RAB1A: variants seen among roughly 807,000 people sequenced by gnomAD.
RAB1A encodes RAB1A, member RAS oncogene family, also known as ras-related protein Rab-1A.
A neutral mutation model predicts 26.0 loss-of-function variants in RAB1A; 2 were observed. That is an observed-to-expected ratio of 0.08 (90% CI 0.03 to 0.24). The LOEUF is 0.24. Ranked by LOEUF, RAB1A falls within the 10% of genes least tolerant of loss-of-function variation. The probability of loss-of-function intolerance (pLI) is 1.00; values close to 1 mark genes in which losing one functional copy is unlikely to be tolerated. For synonymous variants in RAB1A, 84 were observed against 84.9 expected, an observed-to-expected ratio of 0.99 and a Z score of 0.06; for missense variants, 100 against 247.0, an observed-to-expected ratio of 0.40 and a Z score of 3.99.
In RAB1A at chr2:65,091,440, A is replaced by C. The variant is rs186734423; in HGVS notation, c.193-362T>G. On this transcript the variant is annotated intron_variant, in intron 3 of 5. Coordinates refer to ENST00000409784, the MANE Select transcript of RAB1A (RefSeq NM_004161.5). ...TCCATGTAAGACAAACTCACTTGCTAGCACATTCTACCATGATTAAAAGCA... is the reference window on the plus strand; with the variant it reads ...TCCATGTAAGACAAACTCACTTGCTCGCACATTCTACCATGATTAAAAGCA... Among the ~76,000 whole-genome samples the C allele has an allele frequency of 3.2e-4, 48 of 152,328 alleles. No homozygotes were observed. The East Asian group carries it at 8.9e-3, about 28-fold the overall frequency.
chr2:65,125,635 TG>T (rs1271905911), intron 1 of RAB1A, among the ~76,000 whole-genome samples: 1 of 151,718 alleles, frequency 6.6e-6, no homozygotes, highest in African/African-American at 2.4e-5. Context: ...TTGGCCAGGC[TG>T]GTCATGACCT....
chr2:65,100,400 CAAAAA>C (rs34166798), intron 2 of RAB1A, among the ~76,000 whole-genome samples: 2 of 57,976 alleles, frequency 3.4e-5, no homozygotes, highest in African/African-American at 1.4e-4. Context: ...GTCTCTGTCT[CAAAAA>C]AAAAAAAAAA....
chr2:65,105,231 G>A (rs973189228), intron 1 of RAB1A, among the ~76,000 whole-genome samples: 5 of 152,070 alleles, frequency 3.3e-5, no homozygotes, highest in South Asian at 2.1e-4. Context: ...CAGGCCAGGC[G>A]CAGTGGCTCA....
chr2:65,098,967 G>A (rs2103837043), intron 2 of RAB1A, among the ~76,000 whole-genome samples: 1 of 149,946 alleles, frequency 6.7e-6, no homozygotes, highest in South Asian at 2.1e-4. Context: ...CACCTGAGTA[G>A]TAGGGACTAC....
At chr2:65,098,793 A>G (rs927990032) in intron 2 of RAB1A, among the ~76,000 whole-genome samples, 12 of 148,550 alleles carry the variant, frequency 8.1e-5, no homozygotes, top group Admixed American at 1.3e-4. Flanking sequence ...ATTTAGCAGA[A>G]TGTTTTCAAG....
intron 2 of RAB1A, among the ~76,000 whole-genome samples, chr2:65,103,238 T>C (rs1005624931): frequency 1.5e-5 from 2 of 135,814 alleles, no homozygotes; most frequent in African/African-American, 5.5e-5. Context: ...GGAGAACAGC[T>C]TGAGCCTGGG....
intron 1 of RAB1A, among the ~76,000 whole-genome samples, chr2:65,111,747 G>T (rs1366255471): frequency 2.6e-5 from 4 of 152,138 alleles, no homozygotes; most frequent in Non-Finnish European, 5.9e-5. Context: ...TCTAAATTTA[G>T]TTCAAAATAA....
intron 1 of RAB1A, among the ~76,000 whole-genome samples, chr2:65,124,917 T>C (rs772888082): frequency 6.6e-6 from 1 of 152,168 alleles, no homozygotes; most frequent in East Asian, 1.9e-4. Flanking sequence ...TTCTGGACAA[T>C]GAGAATACTA....
intron 1 of RAB1A, chr2:65,114,206 C>T (rs1208188947): frequency 1.2e-5 from 5 of 416,864 alleles, no homozygotes; most frequent in Middle Eastern, 3.7e-4. Context: ...ACAAGGTTCA[C>T]ATGTCAATGA....
chr2:65,116,226 A>G (rs1669822653), intron 1 of RAB1A, among the ~76,000 whole-genome samples: 1 of 152,224 alleles, frequency 6.6e-6, no homozygotes, highest in Admixed American at 6.5e-5. Context: ...AAATTTGGGT[A>G]GTACCAAAGG....
chr2:65,097,888 G>T, intron 3 of RAB1A, 83 bp downstream of exon 3: 2 of 695,838 alleles, frequency 2.9e-6, no homozygotes, highest in Non-Finnish European at 2.3e-6. Context: ...AATTTTGTTA[G>T]CATAGTAAAT....
rs1312746582 is a variant in RAB1A at position 65,088,264 on chromosome 2, A to T, written c.*229T>A. On this transcript the variant is annotated 3_prime_UTR_variant, in exon 6 of 6. Coordinates refer to ENST00000409784, the MANE Select transcript of RAB1A (RefSeq NM_004161.5). ...CAACAAGGATTACACACATTATTTTATAAACCAGCACACAAAGGTTTAAAA... is the reference window on the plus strand; with the variant it reads ...CAACAAGGATTACACACATTATTTTTTAAACCAGCACACAAAGGTTTAAAA... The T allele has an allele frequency of 2.2e-5, 10 of 445,308 alleles. No individual in the cohort carries two copies. The highest frequency in any genetic ancestry group is 4.0e-5 in the Non-Finnish European group (10 of 252,900). 27.6% of individuals were successfully genotyped at this position (445,308 alleles called of 1,614,324 possible).
chr2:65,109,916 T>C (rs1573079722), intron 1 of RAB1A, among the ~76,000 whole-genome samples: 1 of 152,140 alleles, frequency 6.6e-6, no homozygotes, highest in African/African-American at 2.4e-5. Flanking sequence ...TTGACATAGC[T>C]ATCTGTGGGT....
chr2:65,125,103 A>G (rs572830458), intron 1 of RAB1A, among the ~76,000 whole-genome samples: 1 of 151,636 alleles, frequency 6.6e-6, no homozygotes, highest in African/African-American at 2.4e-5. Flanking sequence ...AAAGAAGAGC[A>G]AAGTCTGAAA....
intron 1 of RAB1A, among the ~76,000 whole-genome samples, chr2:65,107,562 C>T (rs1486673080): frequency 6.6e-6 from 1 of 152,090 alleles, no homozygotes; most frequent in East Asian, 1.9e-4. Flanking sequence ...TCTCGATTCA[C>T]TGCAACCTCT....
chr2:65,117,159 G>A (rs1669844803), intron 1 of RAB1A, among the ~76,000 whole-genome samples: 1 of 144,644 alleles, frequency 6.9e-6, no homozygotes, highest in Admixed American at 7.4e-5. Flanking sequence ...TCCAACTTCT[G>A]GGCTCAAGCA....
intron 1 of RAB1A, among the ~76,000 whole-genome samples, chr2:65,126,135 T>C (rs540724566): frequency 1.3e-5 from 2 of 152,072 alleles, no homozygotes; most frequent in African/African-American, 4.8e-5. Context: ...CTGATCAACA[T>C]TAGAGATGGC....
chr2:65,119,841 C>CAA (rs1178958164), intron 1 of RAB1A, among the ~76,000 whole-genome samples: 2,105 of 37,204 alleles, frequency 0.057, 44 homozygotes, highest in Non-Finnish European at 0.067. Flanking sequence ...CCTGTCTCTA[C>CAA]AAAAAAAAAA....
In RAB1A at chr2:65,088,597, T is replaced by C. The variant is rs759786375; in HGVS notation, c.514A>G (p.Ile172Val). 1 of 1,613,760 alleles carries C rather than the reference T, an allele frequency of 6.2e-7. No homozygotes were observed. Among genetic ancestry groups the C allele is most frequent in the Non-Finnish European group, 8.5e-7 (1 of 1,179,792 alleles). Residue 172 changes from isoleucine to valine, a missense_variant, in exon 6 of 6, where the codon ATT (isoleucine) becomes GTT (valine). Coordinates refer to ENST00000409784, the MANE Select transcript of RAB1A (RefSeq NM_004161.5). ...EQSFMTMAAEIKKRMGPGATA... is the reference protein window; with the variant it reads ...EQSFMTMAAEVKKRMGPGATA... ...GCTCCGGGACCCATTCGCTTTTTAA[T>C]CTCAGCTGCCATCGTCATGAAAGAC...
Sources: gnomAD v4.1 joint callset for allele counts (sites outside exome capture counted in the v4.1 genomes callset) on GRCh38, gnomAD v4.1.1 for gene constraint, MANE v1.5 for transcripts, NCBI Gene and HGNC (gene_info 2026-07-23, HGNC 2026-07-21) for gene names.